Variants in KHDRBS3 observed in about 807,000 individuals in gnomAD.
KHDRBS3 encodes the protein KH domain-containing, RNA-binding, signal transduction-associated protein 3.
In KHDRBS3, 23 loss-of-function variants were observed where a neutral mutation model predicts 45.6. That is an observed-to-expected ratio of 0.50 (90% CI 0.36 to 0.72). The LOEUF is 0.72. KHDRBS3 is among the 30% of genes least tolerant of loss of function. KHDRBS3 has a pLI of 0.00. For synonymous variants in KHDRBS3, 162 were observed against 156.5 expected, an observed-to-expected ratio of 1.04 and a Z score of -0.26; for missense variants, 352 against 424.8, an observed-to-expected ratio of 0.83 and a Z score of 1.51.
At chr8:135,498,834 G>T (rs185812729) in intron 1 of KHDRBS3, among the ~76,000 whole-genome samples, 2 of 152,228 alleles carry the variant, frequency 1.3e-5, no homozygotes, top group Admixed American at 6.5e-5. Context: ...GTCCCCATGC[G>T]CACAATCAGG....
chr8:135,644,997 G>A, intron 7 of KHDRBS3, 62 bp from the exon 8 acceptor site: 1 of 1,540,428 alleles, frequency 6.5e-7, no homozygotes, highest in Non-Finnish European at 8.9e-7. Context: ...ATACGTTATT[G>A]AATACTGTTG....
Position 135,496,203 on chromosome 8 carries a change from C to A in KHDRBS3, c.89-25034C>A, listed in dbSNP as rs1823436798. Among the ~76,000 whole-genome samples, 6 of 145,730 alleles carry A rather than the reference C, an allele frequency of 4.1e-5. No individual in the cohort carries two copies. The South Asian group carries it at 1.3e-3, about 32-fold the overall frequency. On this transcript the variant is annotated intron_variant, in intron 1 of 8. Transcript: ENST00000355849. ...GAAAGGTCATGCAAAAAAAAAATAG[C>A]AAAAGATAATCAGTGACGAAGAAAA...
intron 5 of KHDRBS3, among the ~76,000 whole-genome samples, chr8:135,580,471 T>C: frequency 6.6e-6 from 1 of 152,208 alleles, no homozygotes; most frequent in East Asian, 1.9e-4. Context: ...GTGTTGGTCA[T>C]TATGAATCAG....
chr8:135,633,302 C>CT (rs1156374320), intron 7 of KHDRBS3, among the ~76,000 whole-genome samples: 6 of 152,222 alleles, frequency 3.9e-5, no homozygotes, highest in Admixed American at 2.0e-4. Flanking sequence ...CCTGGTCTCA[C>CT]TAGAGCAGGA....
Position 135,627,292 on chromosome 8 carries a change from A to G in KHDRBS3, c.891-17767A>G, listed in dbSNP as rs371930433. 4.0e-4 allele frequency among the ~76,000 whole-genome samples: 61 copies of G among 152,278 alleles called. No individual in the cohort carries two copies. In the East Asian group the frequency reaches 0.011, roughly 27 times the overall value. On this transcript the variant is annotated intron_variant, in intron 7 of 8. Transcript: ENST00000355849. The stretch of plus-strand genomic sequence containing the variant: ...GCTCTTCTCATTCACAGTGGCTATT[A>G]TACTTCCAGCTGCCAAGCTGAGGTT...
chr8:135,580,183 G>C (rs1286950648), intron 5 of KHDRBS3, among the ~76,000 whole-genome samples: 1 of 152,200 alleles, frequency 6.6e-6, no homozygotes, highest in Admixed American at 6.5e-5. Context: ...TGGCCTCCCT[G>C]GCTGGCCCAG....
intron 1 of KHDRBS3, among the ~76,000 whole-genome samples, chr8:135,466,063 G>C (rs1379274931): frequency 6.6e-6 from 1 of 152,134 alleles, no homozygotes; most frequent in East Asian, 1.9e-4. Flanking sequence ...GCTCCACATA[G>C]CTAGGTTACC....
intron 7 of KHDRBS3, among the ~76,000 whole-genome samples, chr8:135,607,643 T>C (rs1240684190): frequency 1.3e-5 from 2 of 152,224 alleles, no homozygotes; most frequent in Non-Finnish European, 1.5e-5. Flanking sequence ...GTGTTTCTTA[T>C]GTTGAGAATG....
intron 3 of KHDRBS3, among the ~76,000 whole-genome samples, chr8:135,547,789 A>G (rs1298603854): frequency 1.3e-5 from 2 of 152,216 alleles, no homozygotes; most frequent in African/African-American, 4.8e-5. Context: ...AATTAGCCTC[A>G]GATTCCTGTT....
At chr8:135,645,004 G>T in intron 7 of KHDRBS3, 55 bp from the exon 8 acceptor site, 1 of 1,575,236 alleles carries the variant, frequency 6.3e-7, no homozygotes, top group Non-Finnish European at 8.7e-7. Context: ...ATTGAATACT[G>T]TTGAAACTCA....
chr8:135,467,704 G>C (rs1306418189), intron 1 of KHDRBS3, among the ~76,000 whole-genome samples: 1 of 152,208 alleles, frequency 6.6e-6, no homozygotes, highest in Non-Finnish European at 1.5e-5. Flanking sequence ...CCTCGTACCC[G>C]GGCACACCAC....
intron 1 of KHDRBS3, among the ~76,000 whole-genome samples, chr8:135,473,314 C>A (rs958546212): frequency 2.6e-5 from 4 of 152,130 alleles, no homozygotes; most frequent in Non-Finnish European, 4.4e-5. Context: ...TTAGACGACG[C>A]GCTTTGTGGC....
At chr8:135,600,680 T>C (rs1179409957) in intron 6 of KHDRBS3, among the ~76,000 whole-genome samples, 2 of 152,204 alleles carry the variant, frequency 1.3e-5, no homozygotes, top group South Asian at 2.1e-4. Flanking sequence ...TTTGACAACA[T>C]AGGGATGCGT....
intron 6 of KHDRBS3, among the ~76,000 whole-genome samples, chr8:135,588,075 A>T (rs1441359701): frequency 6.6e-6 from 1 of 152,226 alleles, no homozygotes; most frequent in Non-Finnish European, 1.5e-5. Context: ...ACCAGGAGTT[A>T]GCACAGACCC....
chr8:135,600,802 A>C (rs1586784936), intron 6 of KHDRBS3, among the ~76,000 whole-genome samples: 1 of 152,156 alleles, frequency 6.6e-6, no homozygotes, highest in South Asian at 2.1e-4. Flanking sequence ...GGGTTCAAGC[A>C]GTCCTTCCAA....
At chr8:135,474,870 G>C (rs1209348793) in intron 1 of KHDRBS3, among the ~76,000 whole-genome samples, 1 of 152,080 alleles carries the variant, frequency 6.6e-6, no homozygotes, top group South Asian at 2.1e-4. Flanking sequence ...TCATGTTACG[G>C]TGTGGGCGCT....
In KHDRBS3 at chr8:135,469,375, C is replaced by A. The variant is rs1211135445; in HGVS notation, c.88+11421C>A. On this transcript the variant is annotated intron_variant, in intron 1 of 8. Transcript: ENST00000355849. ...TCTCGGCTCACTGCAAGCTCCGCCT[C>A]CCAGGTTCACGCCATTCTCCTGCCT... is the stretch of plus-strand genomic sequence containing the variant. Among the ~76,000 whole-genome samples the A allele has an allele frequency of 2.6e-5, 4 of 152,262 alleles. No individual in the cohort carries two copies. The East Asian group carries it at 7.7e-4, about 29-fold the overall frequency.
intron 1 of KHDRBS3, among the ~76,000 whole-genome samples, chr8:135,515,365 T>TAAAAAAAAAAAAAAAAAAAAA (rs59502823): frequency 7.5e-5 from 3 of 39,740 alleles, no homozygotes; most frequent in Admixed American, 4.3e-4. Context: ...GACTCCGTCT[T>TAAAAAAAAAAAAAAAAAAAAA]AAAAAAAAAA....
intron 1 of KHDRBS3, chr8:135,458,205 T>C: frequency 7.9e-7 from 1 of 1,265,560 alleles, no homozygotes. Context: ...AGGAAATCTT[T>C]GGGGACTCGG....
Sources: gnomAD v4.1 joint callset for allele counts (sites outside exome capture counted in the v4.1 genomes callset) on GRCh38, gnomAD v4.1.1 for gene constraint, MANE v1.5 for transcripts, NCBI Gene and HGNC (gene_info 2026-07-23, HGNC 2026-07-21) for gene names.